Variants in SLC47A2 observed in about 807,000 individuals in gnomAD.
SLC47A2 encodes the protein solute carrier family 47 member 2, also known as multidrug and toxin extrusion protein 2.
A neutral mutation model predicts 67.7 loss-of-function variants in SLC47A2; 52 were observed. The observed-to-expected ratio is 0.77, with a 90% CI of 0.61 to 0.97. The LOEUF (loss-of-function observed/expected upper bound fraction) is 0.97, where lower values mean the gene tolerates loss of function less well. SLC47A2 is among the 50% of genes least tolerant of loss of function. The pLI is 0.00. For missense variants in SLC47A2, 676 were observed against 712.3 expected (o/e 0.95, Z 0.58); for synonymous variants, 278 against 292.9 (o/e 0.95, Z 0.52).
intron 5 of SLC47A2, among the ~76,000 whole-genome samples, chr17:19,710,453 G>T (rs977186819): frequency 9.8e-6 from 1 of 102,368 alleles, no homozygotes; most frequent in South Asian, 3.9e-4. Context: ...CTTGCAGTGG[G>T]TTAAGTCTTT....
At chr17:19,710,786 G>A (rs1338734282) in intron 5 of SLC47A2, among the ~76,000 whole-genome samples, 2 of 151,190 alleles carry the variant, frequency 1.3e-5, no homozygotes, top group Non-Finnish European at 2.9e-5. Context: ...AAAGACATAA[G>A]GAATAGGACT....
At chr17:19,715,091 G>A (rs2086215360) in intron 2 of SLC47A2, 25 bp downstream of exon 2, 6 of 1,606,656 alleles carry the variant, frequency 3.7e-6, no homozygotes, top group South Asian at 1.1e-5. Context: ...GAACGTCCCT[G>A]CTCTGGGCCA....
chr17:19,707,782 T>G lies in SLC47A2; in HGVS notation c.691A>C (p.Ile231Leu). Residue 231 changes from isoleucine (I) to leucine (L), a missense_variant, in exon 8 of 17, where the codon ATT becomes CTT. Physicochemically the swap from Ile to Leu is conservative, Grantham distance 5. Transcript: ENST00000433844. ...TCCAGGTGCAGCTTCTTCAGCACAA[T>G]GTAGAGAAGGAGGAAGACGGTCTGT... ...FAQTVFLLLY[I>L]VLKKLHLETW... is the part of the protein sequence containing the mutation. The G allele has an allele frequency of 6.2e-7, 1 of 1,602,742 alleles. No individual in the cohort carries two copies. The highest frequency in any genetic ancestry group is 1.1e-5 in the South Asian group (1 of 88,742).
At chr17:19,717,747 G>C (rs571490400), upstream of SLC47A2, 3 of 151,890 alleles carry the variant, frequency 2.0e-5, no homozygotes, top group East Asian at 5.8e-4. Context: ...ACCCATGGGC[G>C]GCCCCAAACA....
chr17:19,702,053 G>A (rs1357888318), intron 13 of SLC47A2: 1 of 863,370 alleles, frequency 1.2e-6, no homozygotes, highest in Non-Finnish European at 1.4e-6. Flanking sequence ...AGGCTGCAGT[G>A]AGCCATGATC....
chr17:19,718,857 C>A (rs1207435201), upstream of SLC47A2: 1 of 152,228 alleles, frequency 6.6e-6, no homozygotes, highest in African/African-American at 2.4e-5. Context: ...TTCAGGCCCT[C>A]CTTTTGTGGT....
intron 13 of SLC47A2, among the ~76,000 whole-genome samples, chr17:19,690,098 G>A (rs1054065167): frequency 6.6e-5 from 10 of 152,082 alleles, no homozygotes; most frequent in African/African-American, 2.2e-4. Flanking sequence ...ACGGAATAGA[G>A]AACCCAGAAG....
intron 13 of SLC47A2, among the ~76,000 whole-genome samples, chr17:19,699,097 G>T (rs553685063): frequency 6.6e-6 from 1 of 152,162 alleles, no homozygotes; most frequent in Non-Finnish European, 1.5e-5. Flanking sequence ...AGACAAAAAA[G>T]ATCACTGGAA....
chr17:19,709,300 A>C (rs2086034307), intron 5 of SLC47A2, among the ~76,000 whole-genome samples: 1 of 152,070 alleles, frequency 6.6e-6, no homozygotes, highest in Admixed American at 6.5e-5. Flanking sequence ...ACCATAGGGG[A>C]GTGTACGTGG....
chr17:19,713,998 A>C, intron 3 of SLC47A2, 25 bp from the exon 4 acceptor site: 1 of 1,604,770 alleles, frequency 6.2e-7, no homozygotes, highest in South Asian at 1.1e-5. Context: ...GCCCCGCGTC[A>C]GCCGTTTCCA....
chr17:19,715,530 T>C (rs1386565533), intron 1 of SLC47A2, among the ~76,000 whole-genome samples: 1 of 152,152 alleles, frequency 6.6e-6, no homozygotes, highest in Non-Finnish European at 1.5e-5. Flanking sequence ...AATAATTTGG[T>C]CAGGCCGCAC....
intron 5 of SLC47A2, among the ~76,000 whole-genome samples, chr17:19,709,838 G>C (rs2086048358): frequency 6.6e-6 from 1 of 152,066 alleles, no homozygotes; most frequent in Non-Finnish European, 1.5e-5. Context: ...CCCCGACCCA[G>C]CCCCAAAAAT....
chr17:19,681,500 A>G, intron 14 of SLC47A2, 38 bp downstream of exon 14: 1 of 1,614,080 alleles, frequency 6.2e-7, no homozygotes, highest in East Asian at 2.2e-5. Context: ...ATGTCCGACG[A>G]CCACCCAGGC....
intron 13 of SLC47A2, among the ~76,000 whole-genome samples, chr17:19,694,765 A>G (rs917922409): frequency 5.3e-5 from 8 of 152,062 alleles, no homozygotes; most frequent in African/African-American, 1.9e-4. Flanking sequence ...AAAATACAAA[A>G]ATTAGCCGGA....
At chr17:19,702,811 A>G in intron 12 of SLC47A2, 137 bp from the exon 13 acceptor site, 1 of 1,022,070 alleles carries the variant, frequency 9.8e-7, no homozygotes, top group African/African-American at 1.6e-5. Context: ...TGTAACTGGC[A>G]CTGCTAGCCC....
chr17:19,692,126 G>A (rs1255910295), intron 13 of SLC47A2: 3 of 327,042 alleles, frequency 9.2e-6, no homozygotes, highest in Non-Finnish European at 1.7e-5. Context: ...TACTCAGGAG[G>A]CTGACGCAGG....
chr17:19,706,310 C>T (rs1163112676), intron 9 of SLC47A2, among the ~76,000 whole-genome samples: 2 of 152,358 alleles, frequency 1.3e-5, no homozygotes, highest in African/African-American at 4.8e-5. Flanking sequence ...CGCAAACCAA[C>T]TGAATCTCTC....
Position 19,708,397 on chromosome 17 carries a change from C to A in SLC47A2, c.534G>T (p.Lys178Asn). The change falls in exon 7 of 17, where the codon AAG becomes AAT. Residue 178 changes from lysine to asparagine, a missense_variant and splice_region_variant. By Grantham distance (94) the Lys-to-Asn change is moderately conservative (BLOSUM62 0). Transcript: ENST00000433844. ...CACTGAGGACTTGGGGCCAGGTGAT[C>A]TTCTGAAATAAATGAAAACTGGCCC... ...NLLAKYLQNQ[K>N]ITWPQVLSGV... 1 of 1,614,128 alleles carries A rather than the reference C, an allele frequency of 6.2e-7. No homozygotes were observed. Among genetic ancestry groups the A allele is most frequent in the Non-Finnish European group, 8.5e-7 (1 of 1,180,038 alleles).
At chr17:19,702,236 T>A in intron 13 of SLC47A2, 4 of 985,322 alleles carry the variant, frequency 4.1e-6, no homozygotes, top group Non-Finnish European at 4.8e-6. Flanking sequence ...GAAATGTCCC[T>A]CTGTGCTGGC....
Sources: allele counts gnomAD v4.1 joint callset (sites outside exome capture counted in the v4.1 genomes callset), GRCh38; gene constraint gnomAD v4.1.1; transcripts MANE v1.5; gene names NCBI Gene and HGNC (gene_info 2026-07-23, HGNC 2026-07-21).